The following TBCD variants were observed in gnomAD, a reference collection of about 807,000 sequenced individuals.
TBCD encodes the protein tubulin folding cofactor D.
In TBCD, 105 loss-of-function variants were observed where a neutral mutation model predicts 169.3. The observed-to-expected ratio is 0.62, with a 90% CI of 0.53 to 0.73. The LOEUF is 0.73. Among genes scored for constraint, TBCD ranks in the 30% least tolerant of loss-of-function variants. TBCD has a pLI of 0.00. For synonymous variants in TBCD, 700 were observed against 643.9 expected (o/e 1.09, Z -1.32); for missense variants, 1,444 against 1,600.1 (o/e 0.90, Z 1.66).
At chr17:82,828,964 C>T (rs2053215560) in intron 13 of TBCD, among the ~76,000 whole-genome samples, 2 of 146,222 alleles carry the variant, frequency 1.4e-5, no homozygotes, top group Admixed American at 6.8e-5. Flanking sequence ...TGCACACGTG[C>T]ATACCCACAC....
At chr17:82,855,978 T>G (rs920162795) in intron 13 of TBCD, among the ~76,000 whole-genome samples, 1 of 144,842 alleles carries the variant, frequency 6.9e-6, no homozygotes, top group Non-Finnish European at 1.5e-5. Context: ...TTTGTATGGG[T>G]AGACTCCCCC....
intron 23 of TBCD, among the ~76,000 whole-genome samples, chr17:82,917,586 T>C (rs1340585730): frequency 6.6e-6 from 1 of 152,236 alleles, no homozygotes; most frequent in East Asian, 1.9e-4. Flanking sequence ...AATGTTCTCC[T>C]CTCCCAGAGA....
chr17:82,806,069 C>T lies in TBCD; in HGVS notation c.1087+58C>T. 1 of 1,589,412 alleles carries T rather than the reference C, an allele frequency of 6.3e-7. No individual in the cohort carries two copies. Among genetic ancestry groups the T allele is most frequent in the Non-Finnish European group, 8.6e-7 (1 of 1,163,280 alleles). ...TGGGCACCGTCGGGCCAATTCCCCTCTACTCCAGGACCACACTTCCTTCTT... is the reference window on the plus strand; with the variant it reads ...TGGGCACCGTCGGGCCAATTCCCCTTTACTCCAGGACCACACTTCCTTCTT... On this transcript the variant is annotated intron_variant, in intron 10 of 38. Coordinates refer to ENST00000355528, the MANE Select transcript of TBCD (RefSeq NM_005993.5). The surrounding 1 kb of genome is among the most constrained non-coding windows in gnomAD (Gnocchi z 5.1).
chr17:82,832,627 C>A lies in TBCD; in HGVS notation c.1318+17693C>A. ...TCTGGCGAGAGCCTCCGTCATCTGG[C>A]GGCTGGGAGCTGTAATAAAGAGCAG... On this transcript the variant is annotated intron_variant, in intron 13 of 38. Transcript: ENST00000355528. The surrounding 1 kb of genome is among the most constrained non-coding windows in gnomAD (Gnocchi z 4.9). The A allele has an allele frequency of 3.0e-6, 2 of 658,662 alleles. No individual in the cohort carries two copies. Among genetic ancestry groups the A allele is most frequent in the Non-Finnish European group, 5.3e-6 (2 of 376,258 alleles). The allele number at this position is 658,662 out of a possible 1,614,324, so 40.8% of individuals were successfully genotyped here.
intron 13 of TBCD, among the ~76,000 whole-genome samples, chr17:82,855,323 G>A (rs1014595446): frequency 6.9e-6 from 1 of 144,990 alleles, no homozygotes; most frequent in Non-Finnish European, 1.5e-5. Flanking sequence ...TGAGTGCCAT[G>A]GTGTAGTCGC....
rs777399611 is a variant in TBCD at position 82,937,308 on chromosome 17, A to G, written c.3229A>G (p.Lys1077Glu). 1.9e-6 allele frequency: 3 copies of G among 1,613,910 alleles called. No individual in the cohort carries two copies. The highest frequency in any genetic ancestry group is 2.5e-6 in the Non-Finnish European group (3 of 1,179,894). ...FAVKLLALCK[K>E]EIKNSKDIQK... is the part of the protein sequence containing the mutation. Reference sequence around the variant, plus strand: ...TGTGAAGTTGCTTGCGCTCTGTAAGAAAGAAATCAAGAATTCAAAAGATAT... The same window carrying G: ...TGTGAAGTTGCTTGCGCTCTGTAAGGAAGAAATCAAGAATTCAAAAGATAT... The change falls in exon 35 of 39, where the codon AAA becomes GAA. Residue 1077 changes from lysine to glutamate, a missense_variant. Transcript: ENST00000355528.
intron 14 of TBCD, among the ~76,000 whole-genome samples, chr17:82,871,324 G>C (rs113934309): frequency 0.022 from 3,356 of 152,330 alleles, 144 homozygotes; most frequent in African/African-American, 0.077. Context: ...GAGTTCTTTT[G>C]TGCTGAAGAA....
At chr17:82,836,056 C>T (rs1242403678) in intron 13 of TBCD, among the ~76,000 whole-genome samples, 2 of 152,192 alleles carry the variant, frequency 1.3e-5, no homozygotes, top group Non-Finnish European at 2.9e-5. Flanking sequence ...AAATGAAACA[C>T]GTAATGATAG....
chr17:82,756,689 A>G (rs1403271471), intron 2 of TBCD, among the ~76,000 whole-genome samples: 2 of 152,142 alleles, frequency 1.3e-5, no homozygotes, highest in Admixed American at 1.3e-4. Flanking sequence ...TATGTTGGCC[A>G]GGATGGTCTT....
At chr17:82,828,473 C>T (rs1361550532) in intron 13 of TBCD, among the ~76,000 whole-genome samples, 1 of 144,510 alleles carries the variant, frequency 6.9e-6, no homozygotes, top group African/African-American at 2.7e-5. Flanking sequence ...CCCACAGATA[C>T]ACACACGTGC....
chr17:82,937,732 G>A (rs758905007), intron 35 of TBCD: 303 of 800,260 alleles, frequency 3.8e-4, no homozygotes, highest in Non-Finnish European at 5.4e-4. Context: ...GGGCAGGTGC[G>A]CCAGCCAGCG....
intron 7 of TBCD, among the ~76,000 whole-genome samples, chr17:82,791,241 T>G (rs938284280): frequency 1.3e-5 from 2 of 151,908 alleles, no homozygotes; most frequent in African/African-American, 4.8e-5. Flanking sequence ...ACAGGCACCC[T>G]CCACCACGCC....
Position 82,832,393 on chromosome 17 carries a change from T to C in TBCD, c.1318+17459T>C, listed in dbSNP as rs1192258179. On this transcript the variant is annotated intron_variant, in intron 13 of 38. Transcript: ENST00000355528. The surrounding 1 kb of genome is among the most constrained non-coding windows in gnomAD (Gnocchi z 4.9). ...TTGGAAACATTTATACTTGAAGGGC[T>C]TTCCTGGAGGCCTGGGGATGTAATG... The C allele has an allele frequency of 6.2e-7, 1 of 1,614,258 alleles. No individual in the cohort carries two copies. The highest frequency in any genetic ancestry group is 8.5e-7 in the Non-Finnish European group (1 of 1,180,052).
chr17:82,839,905 A>T (rs962785579), intron 13 of TBCD: 2 of 152,340 alleles, frequency 1.3e-5, no homozygotes, highest in African/African-American at 4.8e-5. Flanking sequence ...CTTGAATTTG[A>T]AAAGAAATAG....
rs1357560160 is a variant in TBCD, at chr17:82,832,561, C to A, written c.1318+17627C>A. The A allele has an allele frequency of 9.8e-7, 1 of 1,021,868 alleles. No homozygotes were observed. The highest frequency in any genetic ancestry group is 1.9e-5 in the Admixed American group (1 of 51,408). The allele number at this position is 1,021,868 out of a possible 1,614,324, so 63.3% of individuals were successfully genotyped here. ...AGGCACCTCCCGCTTTGCTTTCTTT[C>A]CCGATCACTTCTATCAGAAGCCAGC... On this transcript the variant is annotated intron_variant, in intron 13 of 38. Coordinates refer to ENST00000355528, the MANE Select transcript of TBCD (RefSeq NM_005993.5). This position sits in a 1 kb window ranked among gnomAD's most constrained non-coding sequence, Gnocchi z 4.9.
chr17:82,926,896 C>T, intron 28 of TBCD: 1 of 524,820 alleles, frequency 1.9e-6, no homozygotes, highest in Non-Finnish European at 3.4e-6. Context: ...GCCCCCTTCT[C>T]TCCTATGCCA....
At chr17:82,869,126 C>T (rs905986860) in intron 13 of TBCD, among the ~76,000 whole-genome samples, 2 of 152,144 alleles carry the variant, frequency 1.3e-5, no homozygotes, top group Non-Finnish European at 2.9e-5. Flanking sequence ...CCCCTGGCTC[C>T]GTGGGTCTCC....
At chr17:82,873,742 C>T (rs528199687) in intron 14 of TBCD, among the ~76,000 whole-genome samples, 55 of 152,212 alleles carry the variant, frequency 3.6e-4, no homozygotes, top group Non-Finnish European at 6.9e-4. Flanking sequence ...GGGGGCCGGC[C>T]GGTCGGTAGG....
At chr17:82,768,389 G>C (rs1460937487) in intron 4 of TBCD, 31 bp from the exon 5 acceptor site, 1 of 1,612,934 alleles carries the variant, frequency 6.2e-7, no homozygotes, top group Admixed American at 1.7e-5. Flanking sequence ...TTTCAAGCAA[G>C]ACTCATTCTT....
Sources: gnomAD v4.1 joint callset for allele counts (sites outside exome capture counted in the v4.1 genomes callset) on GRCh38, gnomAD v4.1.1 for gene constraint, Gnocchi (gnomAD v3.1) non-coding constraint, MANE v1.5 for transcripts, NCBI Gene and HGNC (gene_info 2026-07-23, HGNC 2026-07-21) for gene names.